The following SCMH1 variants were observed in gnomAD, a reference collection of about 807,000 sequenced individuals.
SCMH1 encodes the protein polycomb protein SCMH1.
SCMH1 carries 37 observed loss-of-function variants against 70.8 expected under a neutral mutation model. The observed-to-expected ratio is 0.52, with a 90% CI of 0.40 to 0.69. SCMH1 has a LOEUF of 0.69. Among genes scored for constraint, SCMH1 ranks in the 30% least tolerant of loss-of-function variants. The pLI, the probability that SCMH1 is intolerant of heterozygous loss-of-function variation, is 0.00. For synonymous variants in SCMH1, 292 were observed against 307.4 expected (o/e 0.95, Z 0.52); for missense variants, 607 against 827.3 (o/e 0.73, Z 3.27).
At chr1:41,029,994 G>A (rs778096314) in intron 13 of SCMH1, among the ~76,000 whole-genome samples, 2 of 152,174 alleles carry the variant, frequency 1.3e-5, no homozygotes, top group Non-Finnish European at 2.9e-5. Flanking sequence ...TGGGAGGATT[G>A]CTTGAGCCCA....
intron 6 of SCMH1, among the ~76,000 whole-genome samples, chr1:41,125,455 G>C (rs758007803): frequency 1.3e-5 from 2 of 151,740 alleles, no homozygotes; most frequent in South Asian, 2.1e-4. Flanking sequence ...GGGCTCATGT[G>C]ATCCACTCAT....
chr1:41,171,463 G>A (rs1185089035), intron 2 of SCMH1, among the ~76,000 whole-genome samples: 1 of 151,922 alleles, frequency 6.6e-6, no homozygotes, highest in Non-Finnish European at 1.5e-5. Flanking sequence ...GCATCATCCT[G>A]AAGCAGCTGG....
intron 2 of SCMH1, among the ~76,000 whole-genome samples, chr1:41,181,923 A>G (rs1052035798): frequency 1.3e-5 from 2 of 152,234 alleles, no homozygotes; most frequent in Non-Finnish European, 2.9e-5. Context: ...GGCACTATTC[A>G]CAATAGCAAA....
intron 1 of SCMH1, among the ~76,000 whole-genome samples, chr1:41,225,048 A>G (rs1488354085): frequency 1.3e-5 from 2 of 152,234 alleles, no homozygotes; most frequent in South Asian, 2.1e-4. Context: ...GAAAGAGCAG[A>G]CAAATTCAAT....
intron 6 of SCMH1, among the ~76,000 whole-genome samples, chr1:41,122,620 G>A (rs146290059): frequency 4.1e-4 from 62 of 152,212 alleles, no homozygotes; most frequent in African/African-American, 1.5e-3. Flanking sequence ...AAACAACATG[G>A]GGAAGAATTT....
chr1:41,087,867 A>G (rs192726924), intron 8 of SCMH1, among the ~76,000 whole-genome samples: 1 of 151,990 alleles, frequency 6.6e-6, no homozygotes, highest in Admixed American at 6.6e-5. Flanking sequence ...ATTAAGCAAT[A>G]CATATACAGT....
chr1:41,031,930 C>G (rs1028599261), intron 13 of SCMH1, among the ~76,000 whole-genome samples: 10 of 152,126 alleles, frequency 6.6e-5, no homozygotes, highest in African/African-American at 2.4e-4. Context: ...CCCTCCCTAC[C>G]CACATGATAA....
intron 1 of SCMH1, among the ~76,000 whole-genome samples, chr1:41,206,519 A>G (rs1655582197): frequency 6.6e-6 from 1 of 152,236 alleles, no homozygotes; most frequent in African/African-American, 2.4e-5. Flanking sequence ...AGAAATGAAC[A>G]AAACCTCCAA....
intron 2 of SCMH1, among the ~76,000 whole-genome samples, chr1:41,173,321 T>A (rs1260958516): frequency 6.6e-6 from 1 of 151,974 alleles, no homozygotes; most frequent in East Asian, 1.9e-4. Flanking sequence ...TGAATAAGTA[T>A]CTCTCAAAAG....
chr1:41,178,389 T>C (rs577353371), intron 2 of SCMH1, among the ~76,000 whole-genome samples: 3 of 152,202 alleles, frequency 2.0e-5, no homozygotes, highest in African/African-American at 7.2e-5. Flanking sequence ...CACATAACAA[T>C]ATTAACCTTA....
At chr1:41,035,514 C>G (rs1645166779) in intron 13 of SCMH1, among the ~76,000 whole-genome samples, 1 of 152,150 alleles carries the variant, frequency 6.6e-6, no homozygotes, top group Non-Finnish European at 1.5e-5. Flanking sequence ...TCCAGTCTAT[C>G]AGCGCTCCTA....
chr1:41,089,490 C>T (rs1662697691), intron 8 of SCMH1, among the ~76,000 whole-genome samples: 1 of 152,202 alleles, frequency 6.6e-6, no homozygotes, highest in Admixed American at 6.5e-5. Flanking sequence ...CTTCATACTT[C>T]TTTGGCCTAA....
At chr1:41,054,512 A>T (rs998227776) in intron 10 of SCMH1, among the ~76,000 whole-genome samples, 1 of 152,218 alleles carries the variant, frequency 6.6e-6, no homozygotes, top group Non-Finnish European at 1.5e-5. Flanking sequence ...ACTCTAGAAA[A>T]GGACAGTAAA....
At chr1:41,165,650 CT>C (rs1251007683) in intron 2 of SCMH1, among the ~76,000 whole-genome samples, 10 of 152,156 alleles carry the variant, frequency 6.6e-5, no homozygotes, top group African/African-American at 2.4e-4. Context: ...AGATGTTGGA[CT>C]TTTTTAATAT....
intron 2 of SCMH1, among the ~76,000 whole-genome samples, chr1:41,164,383 T>A (rs910263632): frequency 3.9e-5 from 6 of 152,076 alleles, no homozygotes; most frequent in African/African-American, 1.4e-4. Flanking sequence ...AAAATTCGTA[T>A]CTTTCTCTCT....
At chr1:41,155,593 A>C (rs973190247) in intron 4 of SCMH1, among the ~76,000 whole-genome samples, 3 of 152,204 alleles carry the variant, frequency 2.0e-5, no homozygotes, top group Non-Finnish European at 4.4e-5. Context: ...ATTCCTGGCT[A>C]TTTTGAAATT....
At chr1:41,060,054 A>G (rs1392140748) in intron 10 of SCMH1, among the ~76,000 whole-genome samples, 1 of 152,122 alleles carries the variant, frequency 6.6e-6, no homozygotes, top group Non-Finnish European at 1.5e-5. Context: ...TGGGATAACT[A>G]TAACAGATGT....
intron 2 of SCMH1, among the ~76,000 whole-genome samples, chr1:41,180,706 A>G (rs1372169948): frequency 1.3e-5 from 2 of 152,216 alleles, no homozygotes; most frequent in Non-Finnish European, 2.9e-5. Context: ...GAGGACACAA[A>G]CAAATGGAAG....
rs201933374 is a variant in SCMH1, at chr1:41,070,567, C to T, written c.1105+28G>A. 1,370 of 1,613,356 alleles carry T rather than the reference C, an allele frequency of 8.5e-4. 2 individuals are homozygous for T. Among genetic ancestry groups the T allele is most frequent in the Non-Finnish European group, 1.0e-3 (1,237 of 1,179,588 alleles). Reference sequence around the variant, plus strand: ...GCAAACACTAGGTCTGGGGCTTGTGCGCAGGTAGTCCTGTCATCTGCTCTT... The same window carrying T: ...GCAAACACTAGGTCTGGGGCTTGTGTGCAGGTAGTCCTGTCATCTGCTCTT... On this transcript the variant is annotated intron_variant, in intron 10 of 14. Transcript: ENST00000337495.
Sources: gnomAD v4.1 joint callset for allele counts (sites outside exome capture counted in the v4.1 genomes callset) on GRCh38, gnomAD v4.1.1 for gene constraint, MANE v1.5 for transcripts, NCBI Gene and HGNC (gene_info 2026-07-23, HGNC 2026-07-21) for gene names.